The following PCDHGA11 variants were observed in gnomAD, a reference collection of about 807,000 sequenced individuals.
PCDHGA11 encodes protocadherin gamma-A11.
PCDHGA11 carries 39 observed loss-of-function variants against 60.4 expected under a neutral mutation model. That is an observed-to-expected ratio of 0.65 (90% CI 0.50 to 0.84). PCDHGA11 has a LOEUF of 0.84. Ranked by LOEUF, PCDHGA11 falls within the 40% of genes least tolerant of loss-of-function variation. The pLI, the probability that PCDHGA11 is intolerant of heterozygous loss-of-function variation, is 0.00. For synonymous variants in PCDHGA11, 533 were observed against 510.3 expected (o/e 1.04, Z -0.60); for missense variants, 1,165 against 1,197.7 (o/e 0.97, Z 0.40).
In PCDHGA11 at chr5:141,432,038, C is replaced by T. The variant is rs202246871; in HGVS notation, c.2433+8378C>T. ...CAACATCACAGTGACCGCCACTGAC[C>T]GGGGAACCCCGCCCCTATCCACGGA... On this transcript the variant is annotated intron_variant, in intron 1 of 3. Coordinates refer to ENST00000398587, the MANE Select transcript of PCDHGA11 (RefSeq NM_018914.3). The surrounding 1 kb of genome is among the most constrained non-coding windows in gnomAD (Gnocchi z 6.0). 15 of 1,614,190 alleles carry T rather than the reference C, an allele frequency of 9.3e-6. No individual in the cohort carries two copies. The African/African-American group carries it at 1.5e-4, about 16-fold the overall frequency.
chr5:141,478,724 G>T, intron 1 of PCDHGA11: 2 of 1,542,774 alleles, frequency 1.3e-6, no homozygotes, highest in Non-Finnish European at 1.8e-6. Context: ...TGGCCTGCCA[G>T]AGTGTGGTTT....
chr5:141,504,578 TGCCCAGGATTCACAGCAA>T (rs2099839274), intron 2 of PCDHGA11, among the ~76,000 whole-genome samples: 1 of 148,500 alleles, frequency 6.7e-6, no homozygotes, highest in African/African-American at 2.5e-5. Flanking sequence ...GAACACCATC[TGCCCAGGATTCACAGCAA>T]GAGGGAACTT....
chr5:141,433,837 C>CAA (rs56191208), intron 1 of PCDHGA11, among the ~76,000 whole-genome samples: 9,379 of 111,452 alleles, frequency 0.084, 424 homozygotes, highest in African/African-American at 0.14. Flanking sequence ...AACTCTATCT[C>CAA]AAAAAAAAAA....
intron 1 of PCDHGA11, among the ~76,000 whole-genome samples, chr5:141,451,873 C>A (rs1425706652): frequency 1.3e-5 from 2 of 151,830 alleles, no homozygotes; most frequent in East Asian, 3.9e-4. Context: ...AGAATGAAAC[C>A]CTGTCAAGAA....
At chr5:141,454,131 G>A (rs754465889) in intron 1 of PCDHGA11, among the ~76,000 whole-genome samples, 2 of 152,334 alleles carry the variant, frequency 1.3e-5, no homozygotes, top group South Asian at 2.1e-4. Flanking sequence ...AGCTGACCAT[G>A]GGAATGTTCA....
intron 1 of PCDHGA11, among the ~76,000 whole-genome samples, chr5:141,472,147 G>T (rs2099272889): frequency 6.6e-6 from 1 of 152,112 alleles, no homozygotes; most frequent in South Asian, 2.1e-4. Flanking sequence ...AAAGTTTCAT[G>T]GTTACATAGC....
At chr5:141,425,214 A>G (rs999893857) in intron 1 of PCDHGA11, among the ~76,000 whole-genome samples, 2 of 152,178 alleles carry the variant, frequency 1.3e-5, no homozygotes, top group Non-Finnish European at 2.9e-5. Context: ...AAGGCATTGT[A>G]CTTTGACTGG....
intron 1 of PCDHGA11, among the ~76,000 whole-genome samples, chr5:141,480,700 C>A (rs1327284592): frequency 1.3e-5 from 2 of 152,192 alleles, no homozygotes; most frequent in Admixed American, 6.5e-5. Flanking sequence ...CCAGGCCACA[C>A]CCCGACAAAT....
intron 1 of PCDHGA11, chr5:141,478,582 G>T: frequency 1.3e-6 from 2 of 1,579,988 alleles, no homozygotes; most frequent in Non-Finnish European, 1.7e-6. Context: ...CCCTGTTAGT[G>T]CTTTTTTATT....
rs773763605 is a variant in PCDHGA11, at chr5:141,476,631, A to G, written c.2434-18176A>G. On this transcript the variant is annotated intron_variant, in intron 1 of 3. Transcript: ENST00000398587. The surrounding 1 kb of genome is among the most constrained non-coding windows in gnomAD (Gnocchi z 7.6). ...GTGGGAAGCAACTCTTTACAAACCT[A>G]TGAGCTGAGCCGAAATGAATACTTT... The G allele has an allele frequency of 2.5e-6, 4 of 1,614,224 alleles. No individual in the cohort carries two copies. Among genetic ancestry groups the G allele is most frequent in the Admixed American group, 1.7e-5 (1 of 60,032 alleles).
chr5:141,452,701 G>A (rs2098747163), intron 1 of PCDHGA11, among the ~76,000 whole-genome samples: 1 of 151,838 alleles, frequency 6.6e-6, no homozygotes, highest in Non-Finnish European at 1.5e-5. Context: ...TGTCAAGAAA[G>A]AAAGGAAGGA....
At chr5:141,433,662 C>T (rs1377052782) in intron 1 of PCDHGA11, among the ~76,000 whole-genome samples, 1 of 151,950 alleles carries the variant, frequency 6.6e-6, no homozygotes, top group Non-Finnish European at 1.5e-5. Context: ...ATGGAGAAAC[C>T]CCGTCTATAC....
chr5:141,487,304 C>T lies in PCDHGA11; in HGVS notation c.2434-7503C>T. The T allele has an allele frequency of 6.2e-7, 1 of 1,614,190 alleles. No homozygotes were observed. The highest frequency in any genetic ancestry group is 8.5e-7 in the Non-Finnish European group (1 of 1,180,042). On this transcript the variant is annotated intron_variant, in intron 1 of 3. Transcript: ENST00000398587. This position sits in a 1 kb window ranked among gnomAD's most constrained non-coding sequence, Gnocchi z 5.0. ...TGTCTCCTTTGGCTCATTCGTGGCA[C>T]TACTCTCTAAGTGTCTTCGTGGGGC...
chr5:141,486,745 C>T lies in PCDHGA11; in HGVS notation c.2434-8062C>T, dbSNP rs1167986336. On this transcript the variant is annotated intron_variant, in intron 1 of 3. Coordinates refer to ENST00000398587, the MANE Select transcript of PCDHGA11 (RefSeq NM_018914.3). This position sits in a 1 kb window ranked among gnomAD's most constrained non-coding sequence, Gnocchi z 5.0. ...CTGTTCATGCTACTCGATCCTTTGA[C>T]TATGAGCAAACCCAGACACTGCAGT... 3.1e-6 allele frequency: 5 copies of T among 1,614,226 alleles called. No homozygotes were observed. The highest frequency in any genetic ancestry group is 3.4e-6 in the Non-Finnish European group (4 of 1,180,044).
chr5:141,480,240 CA>C lies in PCDHGA11; in HGVS notation c.2434-14552del, dbSNP rs11374694. 4.6e-3 allele frequency among the ~76,000 whole-genome samples: 522 copies of C among 113,846 alleles called. 1 individual carries two copies. Among genetic ancestry groups the C allele is most frequent in the Non-Finnish European group, 5.4e-3 (287 of 52,954 alleles). 74.7% of individuals were successfully genotyped at this position (113,846 alleles called of 152,430 possible). A position where few individuals can be genotyped will look rare whatever the true frequency, so the allele number is the denominator to read the frequency against. ...GCGACATAGTGAGATCCTGTCTCTACAAAAAAAAAAAAAAATGTGTTTTCAT... is the reference window on the plus strand; with the variant it reads ...GCGACATAGTGAGATCCTGTCTCTACAAAAAAAAAAAAAATGTGTTTTCAT... On this transcript the variant is annotated intron_variant, in intron 1 of 3. Coordinates refer to ENST00000398587, the MANE Select transcript of PCDHGA11 (RefSeq NM_018914.3).
At chr5:141,498,967 GGGAGGGAA>G (rs1395523211) in intron 2 of PCDHGA11, among the ~76,000 whole-genome samples, 34 of 129,670 alleles carry the variant, frequency 2.6e-4, no homozygotes, top group Admixed American at 1.5e-3. Flanking sequence ...GAGGGAGGGA[GGGAGGGAA>G]GGAAGGAAGG....
At chr5:141,475,902 C>T (rs1296545944) in intron 1 of PCDHGA11, 1 of 576,594 alleles carries the variant, frequency 1.7e-6, no homozygotes, top group Non-Finnish European at 3.0e-6. Context: ...GTGCCGCTGT[C>T]GGCCAATGAA....
intron 1 of PCDHGA11, among the ~76,000 whole-genome samples, chr5:141,449,560 GC>G (rs1487612909): frequency 6.9e-6 from 1 of 145,056 alleles, no homozygotes; most frequent in Non-Finnish European, 1.5e-5. Flanking sequence ...CTGCACTCCA[GC>G]CTGGGCGACA....
chr5:141,490,196 A>G lies in PCDHGA11; in HGVS notation c.2434-4611A>G, dbSNP rs748858034. On this transcript the variant is annotated intron_variant, in intron 1 of 3. Coordinates refer to ENST00000398587, the MANE Select transcript of PCDHGA11 (RefSeq NM_018914.3). The surrounding 1 kb of genome is among the most constrained non-coding windows in gnomAD (Gnocchi z 5.4). ...GAGGAGTCACGTTTCTATGAAATTCATGCAAGAGCCCGTGACCAGGGACAG... is the reference window on the plus strand; with the variant it reads ...GAGGAGTCACGTTTCTATGAAATTCGTGCAAGAGCCCGTGACCAGGGACAG... The G allele has an allele frequency of 3.7e-6, 6 of 1,614,196 alleles. No individual in the cohort carries two copies. The highest frequency in any genetic ancestry group is 4.2e-6 in the Non-Finnish European group (5 of 1,180,020).
Sources: gnomAD v4.1 joint callset for allele counts (sites outside exome capture counted in the v4.1 genomes callset) on GRCh38, gnomAD v4.1.1 for gene constraint, Gnocchi (gnomAD v3.1) non-coding constraint, MANE v1.5 for transcripts, NCBI Gene and HGNC (gene_info 2026-07-23, HGNC 2026-07-21) for gene names.